LMX1A: variants seen among roughly 807,000 people sequenced by gnomAD.
The protein encoded by LMX1A is LIM homeobox transcription factor 1 alpha.
Under a neutral mutation model 49.1 loss-of-function variants are expected in LMX1A, and 15 were observed. That is an observed-to-expected ratio of 0.31 (90% confidence interval 0.20 to 0.47). LMX1A has a LOEUF of 0.47. LMX1A is among the 20% of genes least tolerant of loss of function. LMX1A has a pLI of 1.00. For missense variants in LMX1A, 372 were observed against 475.8 expected (o/e 0.78, Z 2.03); for synonymous variants, 167 against 185.7 (o/e 0.90, Z 0.82).
intron 3 of LMX1A, among the ~76,000 whole-genome samples, chr1:165,295,215 T>C (rs763170394): frequency 2.0e-5 from 3 of 151,288 alleles, no homozygotes; most frequent in Non-Finnish European, 2.9e-5. Context: ...AAGCAGATTA[T>C]AAAATAAGAT....
At chr1:165,223,171 T>C (rs1453717041) in intron 4 of LMX1A, among the ~76,000 whole-genome samples, 2 of 152,026 alleles carry the variant, frequency 1.3e-5, no homozygotes, top group Non-Finnish European at 2.9e-5. Context: ...CTTTGTAAAA[T>C]CAGAATAATA....
intron 8 of LMX1A, among the ~76,000 whole-genome samples, chr1:165,204,991 A>G (rs1282839694): frequency 6.6e-6 from 1 of 151,918 alleles, no homozygotes; most frequent in Non-Finnish European, 1.5e-5. Context: ...TGATTTTAAC[A>G]ACAGAATTTT....
chr1:165,217,506 CAT>C (rs1557851965), intron 4 of LMX1A, among the ~76,000 whole-genome samples: 2 of 152,176 alleles, frequency 1.3e-5, no homozygotes, highest in African/African-American at 4.8e-5. Flanking sequence ...AAGAGAAAAA[CAT>C]ATTTGTTTTC....
intron 3 of LMX1A, among the ~76,000 whole-genome samples, chr1:165,252,727 T>C (rs1030654258): frequency 6.6e-6 from 1 of 152,038 alleles, no homozygotes; most frequent in Non-Finnish European, 1.5e-5. Context: ...TCCACACCAC[T>C]CTCCTCTTTA....
intron 3 of LMX1A, among the ~76,000 whole-genome samples, chr1:165,269,194 T>C (rs1007191108): frequency 6.6e-6 from 1 of 152,210 alleles, no homozygotes; most frequent in Non-Finnish European, 1.5e-5. Context: ...CTCCAGAGGG[T>C]GTTATCTCTC....
At chr1:165,247,844 G>C (rs1652913519) in intron 4 of LMX1A, among the ~76,000 whole-genome samples, 1 of 152,180 alleles carries the variant, frequency 6.6e-6, no homozygotes, top group Admixed American at 6.5e-5. Flanking sequence ...AAGTCACAGA[G>C]ATATAGTGAT....
At chr1:165,282,383 C>T (rs186847628) in intron 3 of LMX1A, among the ~76,000 whole-genome samples, 21 of 152,328 alleles carry the variant, frequency 1.4e-4, no homozygotes, top group East Asian at 9.6e-4. Context: ...ATGTAACCTA[C>T]GCACACCCTT....
intron 3 of LMX1A, among the ~76,000 whole-genome samples, chr1:165,297,665 C>T (rs914201925): frequency 6.6e-6 from 1 of 152,158 alleles, no homozygotes; most frequent in African/African-American, 2.4e-5. Context: ...CAGGCCCCAA[C>T]ATTGAGCTTT....
chr1:165,322,064 C>T (rs1655402569), intron 3 of LMX1A, among the ~76,000 whole-genome samples: 1 of 152,018 alleles, frequency 6.6e-6, no homozygotes, highest in Non-Finnish European at 1.5e-5. Flanking sequence ...GGCTAATAAA[C>T]ATATGAAAAT....
At chr1:165,313,938 A>G (rs1282071653) in intron 3 of LMX1A, among the ~76,000 whole-genome samples, 1 of 152,212 alleles carries the variant, frequency 6.6e-6, no homozygotes, top group Non-Finnish European at 1.5e-5. Flanking sequence ...CTTGGCTGAC[A>G]TTTCCCAAAC....
intron 3 of LMX1A, among the ~76,000 whole-genome samples, chr1:165,328,060 G>A (rs1189214993): frequency 2.0e-5 from 3 of 152,242 alleles, no homozygotes; most frequent in Non-Finnish European, 4.4e-5. Flanking sequence ...AAAGAACAAT[G>A]TCAGTGGAAG....
intron 3 of LMX1A, among the ~76,000 whole-genome samples, chr1:165,253,591 A>C (rs1032651870): frequency 3.9e-5 from 6 of 152,252 alleles, no homozygotes; most frequent in Non-Finnish European, 8.8e-5. Flanking sequence ...AACAGAGGCC[A>C]GGCTGCAGGA....
At chr1:165,206,953 C>G (rs557717161) in intron 7 of LMX1A, among the ~76,000 whole-genome samples, 1 of 152,280 alleles carries the variant, frequency 6.6e-6, no homozygotes, top group South Asian at 2.1e-4. Flanking sequence ...GACCCAGTGT[C>G]AAGCACAAGG....
chr1:165,246,324 A>G (rs951298933), intron 4 of LMX1A, among the ~76,000 whole-genome samples: 4 of 152,180 alleles, frequency 2.6e-5, no homozygotes, highest in Non-Finnish European at 5.9e-5. Flanking sequence ...GCATTGATAT[A>G]ATTGATGAAA....
At chr1:165,283,942 T>C (rs993101083) in intron 3 of LMX1A, among the ~76,000 whole-genome samples, 2 of 152,132 alleles carry the variant, frequency 1.3e-5, no homozygotes, top group African/African-American at 4.8e-5. Flanking sequence ...AAGAAAGAAA[T>C]TGCTGAATAC....
intron 4 of LMX1A, among the ~76,000 whole-genome samples, chr1:165,224,135 G>A (rs59986884): frequency 0.13 from 19,207 of 152,178 alleles, 1,313 homozygotes; most frequent in Non-Finnish European, 0.15. Context: ...GATTGCTTAA[G>A]TGTGTGTGGC....
intron 4 of LMX1A, among the ~76,000 whole-genome samples, chr1:165,226,460 G>C (rs1652038534): frequency 6.6e-6 from 1 of 152,206 alleles, no homozygotes. Context: ...CAGTGTCCTA[G>C]ATCAAGTCTT....
chr1:165,279,957 G>A (rs1654097899), intron 3 of LMX1A, among the ~76,000 whole-genome samples: 1 of 152,014 alleles, frequency 6.6e-6, no homozygotes, highest in Non-Finnish European at 1.5e-5. Context: ...TAAAATATGA[G>A]TGTTTTTTTG....
chr1:165,215,291 G>A lies in LMX1A; in HGVS notation c.497-1478C>T, dbSNP rs149749238. On this transcript the variant is annotated intron_variant, in intron 4 of 8. Coordinates refer to ENST00000342310, the MANE Select transcript of LMX1A (RefSeq NM_177398.4). ...ATCACGCCACTGTACTCCAGCTTGG[G>A]TGACAGAGCAAGACTCTTGTCTCCA... is the stretch of plus-strand genomic sequence containing the variant. Among the ~76,000 whole-genome samples, 10 of 152,276 alleles carry A rather than the reference G, an allele frequency of 6.6e-5. No homozygotes were observed. The East Asian group carries it at 1.9e-3, about 29-fold the overall frequency.
Sources: allele counts gnomAD v4.1 joint callset (sites outside exome capture counted in the v4.1 genomes callset), GRCh38; gene constraint gnomAD v4.1.1; transcripts MANE v1.5; gene names NCBI Gene and HGNC (gene_info 2026-07-23, HGNC 2026-07-21).